TTLL10: variants seen among roughly 807,000 people sequenced by gnomAD.
The protein encoded by TTLL10 is inactive polyglycylase TTLL10.
In TTLL10, 61 loss-of-function variants were observed where a neutral mutation model predicts 69.0. The ratio of observed to expected loss-of-function variants is 0.88; its 90% CI spans 0.72 to 1.09. TTLL10 has a LOEUF of 1.09. Ranked by LOEUF, TTLL10 falls within the 50% of genes least tolerant of loss-of-function variation. The pLI is 0.00. For synonymous variants in TTLL10, 408 were observed against 393.3 expected (o/e 1.04, Z -0.44); for missense variants, 962 against 945.9 (o/e 1.02, Z -0.22).
At chr1:1,197,277 T>C in intron 15 of TTLL10, 91 bp downstream of exon 15, 1 of 1,354,536 alleles carries the variant, frequency 7.4e-7, no homozygotes, top group East Asian at 2.5e-5. Context: ...CCCCCACAGA[T>C]GGGGCTCTTC....
rs1646994906 is a variant in TTLL10, at chr1:1,180,006, C to A, written c.200-28C>A. 5 of 1,495,048 alleles carry A rather than the reference C, an allele frequency of 3.3e-6. No individual in the cohort carries two copies. The South Asian group carries it at 5.5e-5, about 17-fold the overall frequency. 92.6% of individuals were successfully genotyped at this position (1,495,048 alleles called of 1,614,324 possible). ...GCTGAGTGGGCAGCTCCCGTAGCCA[C>A]CCCGGTGGGACCCCACCCCGTTCAC... On this transcript the variant is annotated intron_variant, in intron 5 of 15. Coordinates refer to ENST00000379289, the MANE Select transcript of TTLL10 (RefSeq NM_001130045.2).
intron 13 of TTLL10, among the ~76,000 whole-genome samples, chr1:1,194,413 C>T (rs1411379019): frequency 6.6e-6 from 1 of 152,206 alleles, no homozygotes; most frequent in African/African-American, 2.4e-5. Flanking sequence ...TATGCTGTCT[C>T]TTATATTTAA....
chr1:1,181,828 C>T lies in TTLL10; in HGVS notation c.830+13C>T, dbSNP rs1241020526. On this transcript the variant is annotated intron_variant, in intron 9 of 15. Transcript: ENST00000379289. The surrounding 1 kb of genome is among the most constrained non-coding windows in gnomAD (Gnocchi z 4.6). ...TCAGGCCACAGAGGTAGACTCAGCC[C>T]AGCTGTGAGGGGCCCTTCAGACCGA... 1 of 1,599,484 alleles carries T rather than the reference C, an allele frequency of 6.3e-7. No individual in the cohort carries two copies. Among genetic ancestry groups the T allele is most frequent in the Admixed American group, 1.7e-5 (1 of 57,718 alleles).
intron 10 of TTLL10, 30 bp from the exon 11 acceptor site, chr1:1,182,845 AG>A (rs1237390184): frequency 6.6e-7 from 1 of 1,520,430 alleles, no homozygotes; most frequent in Middle Eastern, 1.7e-4. Context: ...GTTGGGGGCG[AG>A]GCCAGGGGCT....
At chr1:1,197,236 A>C in intron 15 of TTLL10, 50 bp downstream of exon 15, 1 of 1,456,802 alleles carries the variant, frequency 6.9e-7, no homozygotes, top group Non-Finnish European at 9.3e-7. Flanking sequence ...CCCAGTCTTG[A>C]ATGCCTACCT....
intron 5 of TTLL10, 142 bp downstream of exon 5, chr1:1,179,879 G>A: frequency 6.9e-7 from 1 of 1,439,768 alleles, no homozygotes; most frequent in Non-Finnish European, 9.1e-7. Flanking sequence ...GCCGCCTGGT[G>A]GGGCCAGAGC....
At position 1,197,848 on chromosome 1, in the gene TTLL10, G is replaced by C. The variant is rs1648358845; in HGVS notation, c.*1G>C. The C allele has an allele frequency of 1.4e-6, 2 of 1,467,662 alleles. No homozygotes were observed. Among genetic ancestry groups the C allele is most frequent in the Admixed American group, 5.1e-5 (2 of 39,588 alleles). The allele number at this position is 1,467,662 out of a possible 1,614,324, so 90.9% of individuals were successfully genotyped here. On this transcript the variant is annotated 3_prime_UTR_variant, in exon 16 of 16. Coordinates refer to ENST00000379289, the MANE Select transcript of TTLL10 (RefSeq NM_001130045.2). ...GGAGCCTGAGAACGCGAGGCCCTAG[G>C]GGCAGCCACCCGCGCCCAGCGCCCC...
At chr1:1,194,504 G>A (rs949325032) in intron 13 of TTLL10, among the ~76,000 whole-genome samples, 14 of 152,196 alleles carry the variant, frequency 9.2e-5, no homozygotes, top group Admixed American at 3.3e-4. Context: ...ATTTCAGCCT[G>A]AAGGACGGTA....
intron 13 of TTLL10, among the ~76,000 whole-genome samples, chr1:1,194,715 G>A (rs1004219022): frequency 1.3e-5 from 2 of 152,156 alleles, no homozygotes; most frequent in Non-Finnish European, 2.9e-5. Flanking sequence ...ATAACGAGCG[G>A]CTTCTCTCCT....
chr1:1,179,655 A>G lies in TTLL10; in HGVS notation c.119-2A>G. 1.9e-6 allele frequency: 3 copies of G among 1,550,890 alleles called. No homozygotes were observed. The highest frequency in any genetic ancestry group is 2.6e-6 in the Non-Finnish European group (3 of 1,146,814). ...ATGGACATTGTGACCCCTGCCCTCCAGGGACCATCCCTGCGTCACGTCTGC... is the reference window on the plus strand; with the variant it reads ...ATGGACATTGTGACCCCTGCCCTCCGGGGACCATCCCTGCGTCACGTCTGC... On this transcript the variant is annotated splice_acceptor_variant, in intron 4 of 15. Transcript: ENST00000379289. LOFTEE classifies it high-confidence loss of function.
Position 1,180,466 on chromosome 1 carries a change from GCCCCCA to G in TTLL10, c.507-12_507-7del. On this transcript the variant is annotated splice_polypyrimidine_tract_variant and intron_variant, in intron 6 of 15. Coordinates refer to ENST00000379289, the MANE Select transcript of TTLL10 (RefSeq NM_001130045.2). ...TTGCCTCGGCCCCCAGGTCACCCCCGCCCCCACCCCTCGCAGCATCAGCTCCTACTG... is the reference window on the plus strand; with the variant it reads ...TTGCCTCGGCCCCCAGGTCACCCCCGCCCCTCGCAGCATCAGCTCCTACTG... 1.6e-6 allele frequency: 1 copy of G among 614,596 alleles called. No homozygotes were observed. The highest frequency in any genetic ancestry group is 2.3e-6 in the Non-Finnish European group (1 of 436,238). The allele number at this position is 614,596 out of a possible 1,614,324, so 38.1% of individuals were successfully genotyped here.
chr1:1,181,825 G>A lies in TTLL10; in HGVS notation c.830+10G>A, dbSNP rs1355904419. The A allele has an allele frequency of 6.2e-7, 1 of 1,600,968 alleles. No homozygotes were observed. Among genetic ancestry groups the A allele is most frequent in the African/African-American group, 1.3e-5 (1 of 74,952 alleles). On this transcript the variant is annotated intron_variant, in intron 9 of 15. Transcript: ENST00000379289. The surrounding 1 kb of genome is among the most constrained non-coding windows in gnomAD (Gnocchi z 4.6). ...ACCTCAGGCCACAGAGGTAGACTCAGCCCAGCTGTGAGGGGCCCTTCAGAC... is the reference window on the plus strand; with the variant it reads ...ACCTCAGGCCACAGAGGTAGACTCAACCCAGCTGTGAGGGGCCCTTCAGAC...
At chr1:1,192,967 G>GT (rs1390690973) in intron 13 of TTLL10, among the ~76,000 whole-genome samples, 2 of 152,180 alleles carry the variant, frequency 1.3e-5, no homozygotes, top group South Asian at 2.1e-4. Flanking sequence ...GGTATATCAT[G>GT]TTTTTTTAAG....
chr1:1,186,107 G>C (rs74973849), intron 13 of TTLL10, among the ~76,000 whole-genome samples: 2 of 111,144 alleles, frequency 1.8e-5, no homozygotes, highest in African/African-American at 3.1e-5. Context: ...TTTTTTTTTT[G>C]AGACAGAGTC....
intron 13 of TTLL10, among the ~76,000 whole-genome samples, chr1:1,195,910 G>A (rs1417709930): frequency 1.3e-5 from 2 of 151,684 alleles, no homozygotes; most frequent in Non-Finnish European, 2.9e-5. Flanking sequence ...CCAAAGTGCT[G>A]GGACTACAGG....
intron 13 of TTLL10, among the ~76,000 whole-genome samples, chr1:1,195,977 T>C (rs573567378): frequency 5.1e-4 from 77 of 151,722 alleles, no homozygotes; most frequent in African/African-American, 1.8e-3. Context: ...GGTCTCACCA[T>C]GTTGGCCAGG....
At chr1:1,180,454 C>T (rs1331424927) in intron 6 of TTLL10, 29 bp from the exon 7 acceptor site, 1 of 1,516,838 alleles carries the variant, frequency 6.6e-7, no homozygotes, top group South Asian at 1.2e-5. Flanking sequence ...CCTCGGCCCC[C>T]AGGTCACCCC....
chr1:1,194,747 CT>C (rs1252171782), intron 13 of TTLL10, among the ~76,000 whole-genome samples: 1 of 152,196 alleles, frequency 6.6e-6, no homozygotes, highest in African/African-American at 2.4e-5. Flanking sequence ...CGTTCTCTGT[CT>C]TTTGGAAGTT....
chr1:1,185,017 G>A lies in TTLL10; in HGVS notation c.1309G>A (p.Val437Met), dbSNP rs759966017. Reference sequence around the variant, plus strand: ...GTACATGCTGCTGAAGGAGCACACGGTGTGGAGCATGGAACACCTCAACCG... The same window carrying A: ...GTACATGCTGCTGAAGGAGCACACGATGTGGAGCATGGAACACCTCAACCG... ...PLYMLLKEHTVWSMEHLNRYI... is the reference protein window; with the variant it reads ...PLYMLLKEHTMWSMEHLNRYI... The change falls in exon 13 of 16, where the codon GTG (valine) becomes ATG (methionine). Residue 437 changes from valine (V) to methionine (M), a missense_variant. By Grantham distance (21) the Val-to-Met change is conservative (BLOSUM62 1). Transcript: ENST00000379289. The surrounding 1 kb of genome is among the most constrained non-coding windows in gnomAD (Gnocchi z 6.1). 4.3e-6 allele frequency: 7 copies of A among 1,613,830 alleles called. 1 individual carries two copies. In the African/African-American group the frequency reaches 9.3e-5, roughly 22 times the overall value.
Sources: gnomAD v4.1 joint callset for allele counts (sites outside exome capture counted in the v4.1 genomes callset) on GRCh38, gnomAD v4.1.1 for gene constraint, Gnocchi (gnomAD v3.1) non-coding constraint, MANE v1.5 for transcripts, NCBI Gene and HGNC (gene_info 2026-07-23, HGNC 2026-07-21) for gene names.